SHCBP1L: variants seen among roughly 807,000 people sequenced by gnomAD.
SHCBP1L encodes the protein SHC binding and spindle associated 1 like.
SHCBP1L carries 67 observed loss-of-function variants against 62.5 expected under a neutral mutation model. The observed-to-expected ratio is 1.07, with a 90% CI of 0.88 to 1.31. The LOEUF is 1.31. Among genes scored for constraint, SHCBP1L ranks in the 40% most tolerant of loss-of-function variants. SHCBP1L has a pLI of 0.00. For synonymous variants in SHCBP1L, 284 were observed against 289.4 expected (o/e 0.98, Z 0.19); for missense variants, 823 against 809.8 (o/e 1.02, Z -0.20).
intron 6 of SHCBP1L, among the ~76,000 whole-genome samples, chr1:182,913,162 C>A (rs73044366): frequency 0.041 from 6,203 of 152,056 alleles, 383 homozygotes; most frequent in African/African-American, 0.14. Flanking sequence ...ATTAAATTAA[C>A]TGGTAAACAT....
chr1:182,900,695 C>T (rs1260429805), intron 9 of SHCBP1L, among the ~76,000 whole-genome samples: 4 of 152,034 alleles, frequency 2.6e-5, no homozygotes, highest in South Asian at 2.1e-4. Context: ...CTTCCCAAAG[C>T]GCTGGAATTA....
intron 6 of SHCBP1L, among the ~76,000 whole-genome samples, chr1:182,911,127 T>C (rs1278180073): frequency 6.6e-6 from 1 of 152,124 alleles, no homozygotes; most frequent in East Asian, 1.9e-4. Flanking sequence ...TGGCCTCAAG[T>C]GATCTGCCTG....
intron 2 of SHCBP1L, among the ~76,000 whole-genome samples, chr1:182,943,281 T>A (rs1651433200): frequency 6.8e-6 from 1 of 146,344 alleles, no homozygotes. Context: ...CTTGATTTTT[T>A]TTTTTTTTTT....
intron 6 of SHCBP1L, among the ~76,000 whole-genome samples, chr1:182,906,052 A>C (rs2101920268): frequency 1.3e-5 from 2 of 152,244 alleles, no homozygotes; most frequent in Admixed American, 1.3e-4. Flanking sequence ...CTCTTGCCTC[A>C]GCCTCCTGAG....
At position 182,903,154 on chromosome 1, in the gene SHCBP1L, C is replaced by A. The variant is rs956925149; in HGVS notation, c.1595G>T (p.Gly532Val). The A allele has an allele frequency of 1.3e-6, 2 of 1,550,252 alleles. No homozygotes were observed. The highest frequency in any genetic ancestry group is 2.0e-5 in the Admixed American group (1 of 49,478). The change falls in exon 9 of 10, where the codon GGT (glycine) becomes GTT (valine). Residue 532 changes from glycine to valine, a missense_variant. By Grantham distance (109) the Gly-to-Val change is moderately radical (BLOSUM62 -3). Transcript: ENST00000367547. Reference sequence around the variant, plus strand: ...TATGCTTCCAGGATACAGTTCAACACCAGCACCCTGTAAATTAAAAGCAAA... The same window carrying A: ...TATGCTTCCAGGATACAGTTCAACAACAGCACCCTGTAAATTAAAAGCAAA... ...DSEITGAQGA[G>V]VELYPGSIAI...
At chr1:182,952,689 G>C (rs1272373721) in intron 1 of SHCBP1L, 40 bp downstream of exon 1, 8 of 1,547,828 alleles carry the variant, frequency 5.2e-6, no homozygotes, top group Non-Finnish European at 7.0e-6. Context: ...AGGTTCCGAC[G>C]AGCTTCCGAC....
chr1:182,926,205 G>A, intron 6 of SHCBP1L, among the ~76,000 whole-genome samples: 1 of 151,906 alleles, frequency 6.6e-6, no homozygotes, highest in East Asian at 1.9e-4. Flanking sequence ...AGTTTTTTAA[G>A]AAAGGAAAAA....
At chr1:182,906,299 T>C (rs1650011142) in intron 6 of SHCBP1L, among the ~76,000 whole-genome samples, 1 of 151,926 alleles carries the variant, frequency 6.6e-6, no homozygotes, top group South Asian at 2.1e-4. Context: ...ATTAAATGAA[T>C]TGTCAAAATT....
At chr1:182,911,119 G>T (rs1037865692) in intron 6 of SHCBP1L, among the ~76,000 whole-genome samples, 3 of 151,994 alleles carry the variant, frequency 2.0e-5, no homozygotes, top group African/African-American at 7.3e-5. Context: ...CAAACTCTTG[G>T]CCTCAAGTGA....
intron 6 of SHCBP1L, 150 bp from the exon 7 acceptor site, chr1:182,905,799 A>G: frequency 1.4e-6 from 1 of 699,058 alleles, no homozygotes; most frequent in Non-Finnish European, 2.3e-6. Flanking sequence ...GTATCAGTTC[A>G]TCGATTAATA....
In SHCBP1L at chr1:182,940,250, A is replaced by G. The variant is rs878958911; in HGVS notation, c.770+79T>C. 42 of 1,215,692 alleles carry G rather than the reference A, an allele frequency of 3.5e-5. No homozygotes were observed. The South Asian group carries it at 4.7e-4, about 14-fold the overall frequency. 75.3% of individuals were successfully genotyped at this position (1,215,692 alleles called of 1,614,324 possible). A position where few individuals can be genotyped will look rare whatever the true frequency, so the allele number is the denominator to read the frequency against. On this transcript the variant is annotated intron_variant, in intron 3 of 9. Coordinates refer to ENST00000367547, the MANE Select transcript of SHCBP1L (RefSeq NM_030933.4). Reference sequence around the variant, plus strand: ...AAAATTAAATCAGTAAGTGCTTGTAAAGCGATTATATGAACAAAACCTTCA... The same window carrying G: ...AAAATTAAATCAGTAAGTGCTTGTAGAGCGATTATATGAACAAAACCTTCA...
At chr1:182,943,763 T>G (rs1651457116) in intron 2 of SHCBP1L, among the ~76,000 whole-genome samples, 1 of 151,846 alleles carries the variant, frequency 6.6e-6, no homozygotes, top group Non-Finnish European at 1.5e-5. Context: ...TAGTTTTGAT[T>G]TTTTTCAGTA....
At chr1:182,948,501 C>T (rs555662607) in intron 2 of SHCBP1L, among the ~76,000 whole-genome samples, 240 of 152,224 alleles carry the variant, frequency 1.6e-3, no homozygotes, top group Non-Finnish European at 2.7e-3. Context: ...GGGCCACAAG[C>T]CACAGAATGC....
At chr1:182,924,701 G>GAAGAAAGAAAAGAAAGA (rs1650628122) in intron 6 of SHCBP1L, among the ~76,000 whole-genome samples, 1 of 33,354 alleles carries the variant, frequency 3.0e-5, no homozygotes, top group Non-Finnish European at 5.7e-5. Flanking sequence ...GAAAGGAAAG[G>GAAGAAAGAAAAGAAAGA]AAGAAAGAAA....
chr1:182,903,047 T>C lies in SHCBP1L; in HGVS notation c.1702A>G (p.Asn568Asp), dbSNP rs1379562148. The change falls in exon 9 of 10, where the codon AAT (asparagine) becomes GAT (aspartate). Residue 568 changes from asparagine to aspartate, a missense_variant. Physicochemically the swap from Asn to Asp is conservative, Grantham distance 23. Coordinates refer to ENST00000367547, the MANE Select transcript of SHCBP1L (RefSeq NM_030933.4). ...NSSKSTLGGVNMKVLPAPKLK... is the reference protein window; with the variant it reads ...NSSKSTLGGVDMKVLPAPKLK... ...AAGAAATAAGAGAATACCTTCATAT[T>C]AACTCCACCTAAGGTGCTTTTTGAA... 6.3e-7 allele frequency: 1 copy of C among 1,582,776 alleles called. No homozygotes were observed. The highest frequency in any genetic ancestry group is 8.6e-7 in the Non-Finnish European group (1 of 1,166,152).
At position 182,952,947 on chromosome 1, in the gene SHCBP1L, G is replaced by C. The variant is rs1170054856; in HGVS notation, c.187C>G (p.Arg63Gly). The change falls in exon 1 of 10, where the codon CGG becomes GGG. Residue 63 changes from arginine (R) to glycine (G), a missense_variant. By Grantham distance (125) the Arg-to-Gly change is moderately radical. Coordinates refer to ENST00000367547, the MANE Select transcript of SHCBP1L (RefSeq NM_030933.4). ...TGGAGCCGCAGCCTGGCCGTCTCCC[G>C]GCCCGCTTTCCCCTTCACCGGGCGA... ...SPRPVKGKAG[R>G]ETARLRLQRL... 6.5e-7 allele frequency: 1 copy of C among 1,549,788 alleles called. No individual in the cohort carries two copies. The highest frequency in any genetic ancestry group is 1.4e-5 in the African/African-American group (1 of 73,186).
At chr1:182,936,130 GTTTTTTTTTTTT>G (rs71127329) in intron 5 of SHCBP1L, among the ~76,000 whole-genome samples, 1 of 63,986 alleles carries the variant, frequency 1.6e-5, no homozygotes, top group African/African-American at 4.9e-5. Context: ...TTTGTTTTTT[GTTTTTTTTTTTT>G]TTTTTTTTTT....
chr1:182,904,557 GTGT>G, intron 7 of SHCBP1L, 127 bp from the exon 8 acceptor site: 1 of 886,982 alleles, frequency 1.1e-6, no homozygotes, highest in South Asian at 1.7e-5. Flanking sequence ...GTGTGTGTGT[GTGT>G]GTGTGTGTGT....
chr1:182,903,047 T>A lies in SHCBP1L; in HGVS notation c.1702A>T (p.Asn568Tyr), dbSNP rs1379562148. The change falls in exon 9 of 10, where the codon AAT becomes TAT. Residue 568 changes from asparagine to tyrosine, a missense_variant. By Grantham distance (143) the Asn-to-Tyr change is moderately radical. Transcript: ENST00000367547. Reference sequence around the variant, plus strand: ...AAGAAATAAGAGAATACCTTCATATTAACTCCACCTAAGGTGCTTTTTGAA... The same window carrying A: ...AAGAAATAAGAGAATACCTTCATATAAACTCCACCTAAGGTGCTTTTTGAA... ...NSSKSTLGGV[N>Y]MKVLPAPKLK... 4 of 1,582,892 alleles carry A rather than the reference T, an allele frequency of 2.5e-6. No individual in the cohort carries two copies. The East Asian group carries it at 9.1e-5, about 36-fold the overall frequency.
Sources: gnomAD v4.1 joint callset for allele counts (sites outside exome capture counted in the v4.1 genomes callset) on GRCh38, gnomAD v4.1.1 for gene constraint, MANE v1.5 for transcripts, NCBI Gene and HGNC (gene_info 2026-07-23, HGNC 2026-07-21) for gene names.